The following HYCC1 variants were observed in gnomAD, a reference collection of about 807,000 sequenced individuals.
HYCC1 encodes hyccin.
At chr7:22,921,551 A>G in the HYCC1 span, among the ~76,000 whole-genome samples, 3 of 152,226 alleles carry the variant, frequency 2.0e-5, no homozygotes, top group Non-Finnish European at 2.9e-5. Flanking sequence ...AAAAAGGGAA[A>G]GAGGAAGTGG....
chr7:22,974,108 T>C, the HYCC1 span, among the ~76,000 whole-genome samples: 8 of 152,180 alleles, frequency 5.3e-5, no homozygotes. Context: ...TGCTGCATTG[T>C]TACTCCTTAA....
the HYCC1 span, chr7:22,977,394 T>C: frequency 7.5e-6 from 12 of 1,594,822 alleles, no homozygotes; most frequent in South Asian, 1.2e-4. Flanking sequence ...CTCAATACTT[T>C]GGTATGTCCC....
At chr7:22,984,136 G>C in the HYCC1 span, 4 of 758,568 alleles carry the variant, frequency 5.3e-6, no homozygotes, top group East Asian at 1.1e-4. Context: ...GTTGTTGCCA[G>C]GACTGCAGAT....
chr7:22,937,568 A>G, the HYCC1 span: 2 of 152,330 alleles, frequency 1.3e-5, no homozygotes, highest in Non-Finnish European at 2.9e-5. Context: ...TTTCATCTCC[A>G]TGAAGAATAT....
At chr7:22,925,090 A>C in the HYCC1 span, among the ~76,000 whole-genome samples, 6 of 152,250 alleles carry the variant, frequency 3.9e-5, no homozygotes, top group Non-Finnish European at 8.8e-5. Context: ...GTGGACCTCC[A>C]GTAAACTCCA....
At chr7:22,992,041 T>G in the HYCC1 span, among the ~76,000 whole-genome samples, 67 of 152,102 alleles carry the variant, frequency 4.4e-4, 1 homozygote, top group Non-Finnish European at 8.4e-4. Flanking sequence ...AGTACCTATT[T>G]GCAAGGAGTT....
the HYCC1 span, among the ~76,000 whole-genome samples, chr7:22,992,086 G>T: frequency 6.6e-6 from 1 of 151,818 alleles, no homozygotes; most frequent in Non-Finnish European, 1.5e-5. Flanking sequence ...GCAAATAAAA[G>T]CAGTTATTTC....
chr7:23,004,989 TAG>T, the HYCC1 span, among the ~76,000 whole-genome samples: 2 of 152,092 alleles, frequency 1.3e-5, no homozygotes, highest in African/African-American at 4.8e-5. Context: ...GTATTTTTAG[TAG>T]AGACAGGGTT....
the HYCC1 span, among the ~76,000 whole-genome samples, chr7:22,956,094 T>A: frequency 9.9e-5 from 15 of 151,868 alleles, no homozygotes; most frequent in African/African-American, 3.4e-4. Context: ...TCTAAACTTA[T>A]TGAATGCTTT....
chr7:22,916,215 C>T, the HYCC1 span, among the ~76,000 whole-genome samples: 140 of 152,266 alleles, frequency 9.2e-4, no homozygotes, highest in African/African-American at 3.0e-3. Flanking sequence ...ATCCAAAAAC[C>T]GGACAAGTCT....
At chr7:22,907,104 C>CAAAAAAAAAAAAAAA in the HYCC1 span, among the ~76,000 whole-genome samples, 5 of 43,550 alleles carry the variant, frequency 1.1e-4, no homozygotes, top group African/African-American at 3.0e-4. Flanking sequence ...GACTCTATCT[C>CAAAAAAAAAAAAAAA]AAAAAAAAAA....
chr7:22,954,637 T>G, the HYCC1 span, among the ~76,000 whole-genome samples: 1 of 151,556 alleles, frequency 6.6e-6, no homozygotes, highest in African/African-American at 2.4e-5. Context: ...ACTACATAAA[T>G]TTCATTTAGT....
At chr7:22,978,386 A>G in the HYCC1 span, 1 of 1,614,014 alleles carries the variant, frequency 6.2e-7, no homozygotes, top group Non-Finnish European at 8.5e-7. Context: ...GCGTAAATTG[A>G]AGCAACTGCT....
At chr7:22,983,764 G>T in the HYCC1 span, 11 of 568,608 alleles carry the variant, frequency 1.9e-5, no homozygotes, top group African/African-American at 2.1e-4. Flanking sequence ...TTCAGAGATG[G>T]CTTCTGGAAT....
chr7:22,996,113 G>C, the HYCC1 span, among the ~76,000 whole-genome samples: 1 of 151,970 alleles, frequency 6.6e-6, no homozygotes, highest in East Asian at 1.9e-4. Context: ...GGCCAACACA[G>C]TGAAACCCCT....
the HYCC1 span, among the ~76,000 whole-genome samples, chr7:23,011,498 TA>T: frequency 6.6e-6 from 1 of 152,176 alleles, no homozygotes; most frequent in Non-Finnish European, 1.5e-5. Flanking sequence ...CATAGGTGAT[TA>T]GGACTTGTTA....
At chr7:22,970,241 A>C in the HYCC1 span, among the ~76,000 whole-genome samples, 1 of 138,248 alleles carries the variant, frequency 7.2e-6, no homozygotes, top group Middle Eastern at 3.4e-3. Flanking sequence ...CAAATTGTTA[A>C]TGTTTTATAA....
At chr7:23,011,742 C>T in the HYCC1 span, among the ~76,000 whole-genome samples, 3 of 152,174 alleles carry the variant, frequency 2.0e-5, no homozygotes, top group South Asian at 2.1e-4. Flanking sequence ...GACACTGACT[C>T]GTCATTGTCA....
At chr7:22,947,104 C>T in the HYCC1 span, 1 of 1,550,430 alleles carries the variant, frequency 6.4e-7, no homozygotes, top group Non-Finnish European at 8.7e-7. Flanking sequence ...TCCTGCACAC[C>T]CTGTATATGC....
Sources: gnomAD v4.1 joint callset for allele counts (sites outside exome capture counted in the v4.1 genomes callset) on GRCh38, gnomAD v4.1.1 for gene constraint, MANE v1.5 for transcripts, NCBI Gene and HGNC (gene_info 2026-07-23, HGNC 2026-07-21) for gene names.